The following SEC24D variants were observed in gnomAD, a reference collection of about 807,000 sequenced individuals.
The protein encoded by SEC24D is SEC24 homolog D, COPII component, also known as protein transport protein Sec24D.
In SEC24D, 69 loss-of-function variants were observed where a neutral mutation model predicts 116.9. The observed-to-expected ratio is 0.59, with a 90% CI of 0.49 to 0.72. The LOEUF (loss-of-function observed/expected upper bound fraction) is 0.72. Among genes scored for constraint, SEC24D ranks in the 30% least tolerant of loss-of-function variants. SEC24D has a pLI of 0.00. For missense variants in SEC24D, 1,131 were observed against 1,264.1 expected (o/e 0.89, Z 1.60); for synonymous variants, 405 against 442.8 (o/e 0.91, Z 1.07).
chr4:118,747,602 A>C (rs1374300565), intron 13 of SEC24D, among the ~76,000 whole-genome samples: 2 of 152,078 alleles, frequency 1.3e-5, no homozygotes, highest in Non-Finnish European at 1.5e-5. Context: ...CTTTTAAAAA[A>C]ATTCAAATAT....
At chr4:118,752,602 T>C in intron 12 of SEC24D, 95 bp downstream of exon 12, 1 of 822,492 alleles carries the variant, frequency 1.2e-6, no homozygotes, top group Non-Finnish European at 1.9e-6. Flanking sequence ...ACCCCCTTGC[T>C]AATGATAAAA....
At chr4:118,732,984 G>A in intron 19 of SEC24D, 72 bp from the exon 20 acceptor site, 1 of 1,285,594 alleles carries the variant, frequency 7.8e-7, no homozygotes. Flanking sequence ...TCATCTGTAA[G>A]ACTGAAACAT....
intron 2 of SEC24D, among the ~76,000 whole-genome samples, chr4:118,828,215 TCTC>T (rs1357493108): frequency 6.6e-6 from 1 of 151,850 alleles, no homozygotes; most frequent in African/African-American, 2.4e-5. Context: ...TTCACGCCAT[TCTC>T]CTGCCTCAGC....
chr4:118,799,212 G>A (rs954899630), intron 7 of SEC24D, among the ~76,000 whole-genome samples: 2 of 152,204 alleles, frequency 1.3e-5, no homozygotes, highest in East Asian at 3.8e-4. Context: ...GGGCATATAA[G>A]GTGTGAAGAT....
chr4:118,726,173 C>T (rs570046004), intron 22 of SEC24D, among the ~76,000 whole-genome samples: 4 of 152,258 alleles, frequency 2.6e-5, no homozygotes, highest in South Asian at 2.1e-4. Flanking sequence ...CACAGGGAAT[C>T]GCTAAAGCAT....
intron 13 of SEC24D, among the ~76,000 whole-genome samples, chr4:118,751,270 C>A (rs901216985): frequency 6.7e-6 from 1 of 150,282 alleles, no homozygotes; most frequent in Non-Finnish European, 1.5e-5. Context: ...CCTCTGCCTC[C>A]CGGGTTCAAA....
chr4:118,736,471 G>T (rs1725963767), intron 19 of SEC24D: 1 of 210,022 alleles, frequency 4.8e-6, no homozygotes, highest in Non-Finnish European at 9.7e-6. Context: ...CTCCTTGATG[G>T]TCTTGCTTGG....
chr4:118,797,253 G>T (rs979926425), intron 8 of SEC24D, among the ~76,000 whole-genome samples: 2 of 152,152 alleles, frequency 1.3e-5, no homozygotes, highest in African/African-American at 4.8e-5. Context: ...AGGAGTTGAT[G>T]AGTATCCTGG....
chr4:118,825,158 C>T lies in SEC24D; in HGVS notation c.119-409G>A, dbSNP rs574532630. 7.2e-5 allele frequency among the ~76,000 whole-genome samples: 11 copies of T among 152,256 alleles called. No individual in the cohort carries two copies. The East Asian group carries it at 1.2e-3, about 16-fold the overall frequency. ...GTAAAGCATTCTAACTGTAACTAAACGGGGCATGGGGGAGAACACTAGAAA... is the reference window on the plus strand; with the variant it reads ...GTAAAGCATTCTAACTGTAACTAAATGGGGCATGGGGGAGAACACTAGAAA... On this transcript the variant is annotated intron_variant, in intron 2 of 22. Coordinates refer to ENST00000280551, the MANE Select transcript of SEC24D (RefSeq NM_014822.4).
intron 13 of SEC24D, among the ~76,000 whole-genome samples, chr4:118,748,350 A>C (rs1045485384): frequency 9.8e-5 from 15 of 152,318 alleles, no homozygotes; most frequent in Non-Finnish European, 2.1e-4. Flanking sequence ...ATATTGTTTA[A>C]AAGTCATATT....
intron 8 of SEC24D, among the ~76,000 whole-genome samples, chr4:118,777,510 T>C (rs538900420): frequency 1.3e-5 from 2 of 152,350 alleles, no homozygotes; most frequent in South Asian, 2.1e-4. Flanking sequence ...CAGTCTATCA[T>C]GGATGGACAT....
intron 8 of SEC24D, among the ~76,000 whole-genome samples, chr4:118,771,524 CTAATTT>C (rs1727903836): frequency 6.6e-6 from 1 of 152,056 alleles, no homozygotes; most frequent in African/African-American, 2.4e-5. Flanking sequence ...TGTGCTGATA[CTAATTT>C]TAATAAAAGT....
chr4:118,800,175 G>A (rs1262312328), intron 7 of SEC24D, among the ~76,000 whole-genome samples: 1 of 152,152 alleles, frequency 6.6e-6, no homozygotes, highest in African/African-American at 2.4e-5. Context: ...CTTTCTGAAA[G>A]GAGGATGTAA....
chr4:118,798,579 C>A (rs116540768), intron 7 of SEC24D, among the ~76,000 whole-genome samples: 74 of 152,252 alleles, frequency 4.9e-4, no homozygotes, highest in African/African-American at 1.8e-3. Context: ...ACATTTCAGG[C>A]CCTGTCCTAG....
intron 2 of SEC24D, among the ~76,000 whole-genome samples, chr4:118,830,591 A>G (rs911566241): frequency 1.3e-5 from 2 of 151,828 alleles, no homozygotes; most frequent in Non-Finnish European, 2.9e-5. Flanking sequence ...TTTCAAAACA[A>G]TATGTTGTAC....
chr4:118,765,995 A>G (rs1019413899), intron 9 of SEC24D, among the ~76,000 whole-genome samples: 6 of 152,212 alleles, frequency 3.9e-5, no homozygotes, highest in African/African-American at 1.2e-4. Context: ...GGCTCAGCTG[A>G]GGTAAGTAAA....
At chr4:118,806,410 A>C (rs111919748) in intron 6 of SEC24D, among the ~76,000 whole-genome samples, 12,893 of 151,728 alleles carry the variant, frequency 0.085, 838 homozygotes, top group Non-Finnish European at 0.12. Flanking sequence ...ATCATAGCTC[A>C]CTGCAGCCTT....
At chr4:118,724,362 T>A (rs944807374) in intron 22 of SEC24D, among the ~76,000 whole-genome samples, 1 of 152,134 alleles carries the variant, frequency 6.6e-6, no homozygotes, top group Non-Finnish European at 1.5e-5. Context: ...CAGACACACA[T>A]ACTATTGAGC....
At position 118,824,752 on chromosome 4, in the gene SEC24D, G is replaced by T. The variant is rs2110535559; in HGVS notation, c.119-3C>A. 2 of 1,576,804 alleles carry T rather than the reference G, an allele frequency of 1.3e-6. No individual in the cohort carries two copies. Among genetic ancestry groups the T allele is most frequent in the Middle Eastern group, 1.7e-4 (1 of 5,870 alleles). On this transcript the variant is annotated splice_polypyrimidine_tract_variant and splice_region_variant and intron_variant, in intron 2 of 22. Transcript: ENST00000280551. Reference sequence around the variant, plus strand: ...AGGCCCTGCTGGCTTCATCATACCTGCAAGAGAGGGGCATGAATTTAGAAG... The same window carrying T: ...AGGCCCTGCTGGCTTCATCATACCTTCAAGAGAGGGGCATGAATTTAGAAG...
Sources: gnomAD v4.1 joint callset for allele counts (sites outside exome capture counted in the v4.1 genomes callset) on GRCh38, gnomAD v4.1.1 for gene constraint, MANE v1.5 for transcripts, NCBI Gene and HGNC (gene_info 2026-07-23, HGNC 2026-07-21) for gene names.